The following PHLDB2 variants were observed in gnomAD, a reference collection of about 807,000 sequenced individuals.
PHLDB2 encodes the protein pleckstrin homology like domain family B member 2, also known as pleckstrin homology-like domain family B member 2.
A neutral mutation model predicts 123.6 loss-of-function variants in PHLDB2; 71 were observed. That is an observed-to-expected ratio of 0.57 (90% confidence interval 0.47 to 0.70). The LOEUF (loss-of-function observed/expected upper bound fraction) is 0.70, where lower values mean the gene tolerates loss of function less well. PHLDB2 is among the 30% of genes least tolerant of loss of function. PHLDB2 has a pLI of 0.00. For missense variants in PHLDB2, 1,446 were observed against 1,519.5 expected (o/e 0.95, Z 0.80); for synonymous variants, 547 against 541.6 (o/e 1.01, Z -0.14).
At chr3:111,850,271 C>T (rs1333670498) in intron 2 of PHLDB2, among the ~76,000 whole-genome samples, 1 of 152,036 alleles carries the variant, frequency 6.6e-6, no homozygotes, top group Non-Finnish European at 1.5e-5. Flanking sequence ...TACAGAGTGA[C>T]ATAATGGACT....
chr3:111,846,350 T>G (rs781705045), intron 2 of PHLDB2: 1 of 167,812 alleles, frequency 6.0e-6, no homozygotes, highest in Non-Finnish European at 1.3e-5. Flanking sequence ...GAGGCTCCAA[T>G]ACGACTACTC....
intron 1 of PHLDB2, among the ~76,000 whole-genome samples, chr3:111,735,741 T>C (rs1306380209): frequency 5.9e-5 from 9 of 152,232 alleles, no homozygotes; most frequent in African/African-American, 2.2e-4. Context: ...ACATTTCACC[T>C]GTGTCAAGTA....
At chr3:111,925,289 A>G (rs1450173613) in intron 5 of PHLDB2, among the ~76,000 whole-genome samples, 1 of 152,246 alleles carries the variant, frequency 6.6e-6, no homozygotes, top group African/African-American at 2.4e-5. Flanking sequence ...TATAGAAAAC[A>G]TAAAATATAG....
intron 1 of PHLDB2, among the ~76,000 whole-genome samples, chr3:111,749,396 A>C (rs987404328): frequency 2.6e-5 from 4 of 152,224 alleles, no homozygotes; most frequent in African/African-American, 9.6e-5. Flanking sequence ...AAATAAAGAA[A>C]TATCAACCGT....
chr3:111,926,149 G>C (rs929619335), intron 5 of PHLDB2, among the ~76,000 whole-genome samples: 1 of 152,184 alleles, frequency 6.6e-6, no homozygotes, highest in East Asian at 1.9e-4. Context: ...TTGAACTGAA[G>C]CTTAAATCAT....
chr3:111,763,228 G>C (rs1180155600), intron 1 of PHLDB2, among the ~76,000 whole-genome samples: 1 of 152,186 alleles, frequency 6.6e-6, no homozygotes, highest in African/African-American at 2.4e-5. Flanking sequence ...TTCACACACT[G>C]TTTATGCTGT....
chr3:111,811,099 G>C (rs2061817292), intron 1 of PHLDB2, among the ~76,000 whole-genome samples: 1 of 152,152 alleles, frequency 6.6e-6, no homozygotes, highest in Admixed American at 6.5e-5. Context: ...GAAGAGACCA[G>C]GGGATGTCTC....
intron 1 of PHLDB2, among the ~76,000 whole-genome samples, chr3:111,773,719 T>G (rs1021614438): frequency 2.6e-5 from 4 of 152,212 alleles, no homozygotes; most frequent in Non-Finnish European, 5.9e-5. Context: ...CATAGCTGCT[T>G]TACTCATCAG....
At chr3:111,953,885 T>C in intron 11 of PHLDB2, 45 bp from the exon 12 acceptor site, 1 of 1,498,080 alleles carries the variant, frequency 6.7e-7, no homozygotes, top group Non-Finnish European at 9.3e-7. Context: ...TAAAGGTCCA[T>C]TCAGCCTGCA....
At chr3:111,905,386 T>A (rs1265382187) in intron 2 of PHLDB2, among the ~76,000 whole-genome samples, 2 of 152,178 alleles carry the variant, frequency 1.3e-5, no homozygotes, top group Non-Finnish European at 2.9e-5. Context: ...TGAGACAGTG[T>A]CTCATTGTCA....
intron 1 of PHLDB2, among the ~76,000 whole-genome samples, chr3:111,811,350 T>A (rs747116180): frequency 2.0e-5 from 3 of 152,172 alleles, no homozygotes; most frequent in Non-Finnish European, 4.4e-5. Flanking sequence ...TGTATTCTAC[T>A]GTGGTCAGGA....
intron 1 of PHLDB2, among the ~76,000 whole-genome samples, chr3:111,842,965 C>A (rs1420947336): frequency 6.6e-6 from 1 of 152,160 alleles, no homozygotes; most frequent in African/African-American, 2.4e-5. Context: ...AATAATATTC[C>A]ATTGTATAGA....
rs560204280 is a variant in PHLDB2, at chr3:111,814,988, C to T, written c.-48-30833C>T. 1.3e-4 allele frequency among the ~76,000 whole-genome samples: 20 copies of T among 152,210 alleles called. No individual in the cohort carries two copies. The East Asian group carries it at 3.5e-3, about 26-fold the overall frequency. ...GAATTATGGGTGCGGGTGTTTCCTGCGCTGTTCTTGTGATAGTGAATGAGT... is the reference window on the plus strand; with the variant it reads ...GAATTATGGGTGCGGGTGTTTCCTGTGCTGTTCTTGTGATAGTGAATGAGT... On this transcript the variant is annotated intron_variant, in intron 1 of 17. Coordinates refer to the PHLDB2 transcript ENST00000393923.
intron 1 of PHLDB2, among the ~76,000 whole-genome samples, chr3:111,844,861 T>A (rs976306989): frequency 2.6e-5 from 4 of 152,172 alleles, no homozygotes; most frequent in African/African-American, 9.7e-5. Flanking sequence ...ATTGTGAGAA[T>A]CAAGTGGGAC....
intron 10 of PHLDB2, 53 bp downstream of exon 10, chr3:111,949,128 T>G: frequency 6.3e-7 from 1 of 1,595,022 alleles, no homozygotes; most frequent in Non-Finnish European, 8.5e-7. Context: ...TGTCAGAAAT[T>G]AACCCACGGC....
chr3:111,939,168 G>A (rs1255054517), intron 6 of PHLDB2, among the ~76,000 whole-genome samples: 1 of 152,106 alleles, frequency 6.6e-6, no homozygotes, highest in African/African-American at 2.4e-5. Context: ...TTATGTTTAG[G>A]TTATTTACTG....
chr3:111,815,065 T>C (rs2062013199), intron 1 of PHLDB2, among the ~76,000 whole-genome samples: 3 of 152,206 alleles, frequency 2.0e-5, no homozygotes, highest in African/African-American at 7.2e-5. Context: ...ACAAGCTCTC[T>C]CTTTGCCTGC....
At chr3:111,951,524 G>A (rs56054847) in intron 10 of PHLDB2, among the ~76,000 whole-genome samples, 19,850 of 152,016 alleles carry the variant, frequency 0.13, 1,630 homozygotes, top group Non-Finnish European at 0.18. Flanking sequence ...CATTTCAAAA[G>A]CATGAGCTTT....
chr3:111,737,364 G>A (rs2059526261), intron 1 of PHLDB2, among the ~76,000 whole-genome samples: 2 of 152,140 alleles, frequency 1.3e-5, no homozygotes, highest in African/African-American at 2.4e-5. Context: ...CCCCATTTCT[G>A]TGACTTCTGA....
Sources: allele counts gnomAD v4.1 joint callset (sites outside exome capture counted in the v4.1 genomes callset), GRCh38; gene constraint gnomAD v4.1.1; transcripts MANE v1.5; gene names NCBI Gene and HGNC (gene_info 2026-07-23, HGNC 2026-07-21).